Variants in MYL6 observed in about 807,000 individuals in gnomAD.
MYL6 encodes the protein myosin light polypeptide 6.
A neutral mutation model predicts 20.3 loss-of-function variants in MYL6; 20 were observed. That is an observed-to-expected ratio of 0.98 (90% CI 0.69 to 1.43). MYL6 has a LOEUF of 1.43. MYL6 is among the 40% of genes most tolerant of loss of function. MYL6 has a pLI of 0.00. For synonymous variants in MYL6, 77 were observed against 72.4 expected (o/e 1.06, Z -0.32); for missense variants, 164 against 191.0 (o/e 0.86, Z 0.83).
In MYL6 at chr12:56,159,665, G is replaced by A. The variant is rs1212567482; in HGVS notation, c.110G>A (p.Arg37Lys). 6.2e-7 allele frequency: 1 copy of A among 1,614,184 alleles called. No individual in the cohort carries two copies. The highest frequency in any genetic ancestry group is 1.1e-5 in the South Asian group (1 of 91,080). Reference sequence around the variant, plus strand: ...TACAGCCAGTGTGGGGATGTGATGAGGGCCCTGGGCCAGAACCCTACCAAC... The same window carrying A: ...TACAGCCAGTGTGGGGATGTGATGAAGGCCCTGGGCCAGAACCCTACCAAC... ...ILYSQCGDVMRALGQNPTNAE... is the reference protein window; with the variant it reads ...ILYSQCGDVMKALGQNPTNAE... Residue 37 changes from arginine (R) to lysine (K), a missense_variant, in exon 3 of 7, where the codon AGG becomes AAG. Coordinates refer to ENST00000550697, the MANE Select transcript of MYL6 (RefSeq NM_021019.5).
chr12:56,159,763 G>A (rs1386441824), intron 3 of MYL6, 33 bp downstream of exon 3: 8 of 1,601,192 alleles, frequency 5.0e-6, no homozygotes, highest in Non-Finnish European at 6.0e-6. Flanking sequence ...CCTCAGTGTG[G>A]TCATGGGCCC....
intron 6 of MYL6, chr12:56,161,138 G>A (rs1384889076): frequency 3.3e-6 from 2 of 603,292 alleles, no homozygotes; most frequent in Non-Finnish European, 6.0e-6. Context: ...GTGTAGTGGA[G>A]AACTTTTCTG....
intron 2 of MYL6, 134 bp downstream of exon 2, chr12:56,158,845 C>T (rs1871508334): frequency 1.3e-6 from 2 of 1,509,046 alleles, no homozygotes; most frequent in East Asian, 2.3e-5. Flanking sequence ...ATTTTCTCTT[C>T]TTCTGGATCC....
chr12:56,158,962 C>CT (rs1184643674), intron 2 of MYL6: 2 of 1,397,112 alleles, frequency 1.4e-6, no homozygotes, highest in East Asian at 5.5e-5. Flanking sequence ...AACTTGGTCA[C>CT]TTAATGCCTG....
chr12:56,158,680 G>A lies in MYL6; in HGVS notation c.4-4G>A. 6.2e-7 allele frequency: 1 copy of A among 1,614,108 alleles called. No individual in the cohort carries two copies. Among genetic ancestry groups the A allele is most frequent in the Non-Finnish European group, 8.5e-7 (1 of 1,180,022 alleles). ...TGCTGACCACTTCCCTCTTCTCTGA[G>A]CAGTGTGACTTCACCGAAGACCAGA... On this transcript the variant is annotated splice_polypyrimidine_tract_variant and splice_region_variant and intron_variant, in intron 1 of 6. Transcript: ENST00000550697.
chr12:56,158,610 G>A (rs535809181), intron 1 of MYL6, 74 bp from the exon 2 acceptor site: 1 of 1,614,068 alleles, frequency 6.2e-7, no homozygotes, highest in Non-Finnish European at 8.5e-7. Context: ...TTGTGGGTCA[G>A]AGTTTGTGGG....
chr12:56,161,354 T>C, intron 6 of MYL6, 33 bp from the exon 7 acceptor site: 1 of 1,614,012 alleles, frequency 6.2e-7, no homozygotes, highest in Non-Finnish European at 8.5e-7. Context: ...CACAGCCCTG[T>C]TCCCTGGCTC....
Position 56,160,230 on chromosome 12 carries a change from T to C in MYL6, c.350-13T>C, listed in dbSNP as rs1261586999. 2 of 1,613,976 alleles carry C rather than the reference T, an allele frequency of 1.2e-6. No individual in the cohort carries two copies. Among genetic ancestry groups the C allele is most frequent in the Non-Finnish European group, 1.7e-6 (2 of 1,179,994 alleles). The stretch of plus-strand genomic sequence containing the variant: ...GTCACCCAATTCCAAAAATGCTTTC[T>C]TTCCCCCTGCAGGTGAGAAGATGAC... On this transcript the variant is annotated splice_polypyrimidine_tract_variant and intron_variant, in intron 4 of 6. Coordinates refer to ENST00000550697, the MANE Select transcript of MYL6 (RefSeq NM_021019.5).
In MYL6 at chr12:56,160,168, T is replaced by C. The variant is rs905553662; in HGVS notation, c.349+20T>C. The C allele has an allele frequency of 6.2e-7, 1 of 1,613,838 alleles. No individual in the cohort carries two copies. Among genetic ancestry groups the C allele is most frequent in the African/African-American group, 1.3e-5 (1 of 75,034 alleles). On this transcript the variant is annotated intron_variant, in intron 4 of 6. Coordinates refer to ENST00000550697, the MANE Select transcript of MYL6 (RefSeq NM_021019.5). ...CACTGGGTAAGGTTCTGTGTCCTTG[T>C]CCTTGAGCTGAGATGGCACCCTGAG...
chr12:56,160,689 T>C lies in MYL6; in HGVS notation c.*16+19T>C, dbSNP rs1592262483. 6.2e-7 allele frequency: 1 copy of C among 1,613,350 alleles called. No individual in the cohort carries two copies. The highest frequency in any genetic ancestry group is 8.5e-7 in the Non-Finnish European group (1 of 1,179,408). ...GGGGCGGGTACGGCTCCTCCCAGCC[T>C]CTCCTCTAGTTGATCTCCCCAGTGT... is the stretch of plus-strand genomic sequence containing the variant. On this transcript the variant is annotated intron_variant, in intron 6 of 6. Transcript: ENST00000550697.
intron 5 of MYL6, 114 bp from the exon 6 acceptor site, chr12:56,160,512 T>C: frequency 2.1e-6 from 3 of 1,419,116 alleles, no homozygotes; most frequent in Non-Finnish European, 3.0e-6. Flanking sequence ...GGTAGTATTG[T>C]AGAGGGTGGG....
chr12:56,159,450 T>G (rs1291181876), intron 2 of MYL6, 137 bp from the exon 3 acceptor site: 22 of 1,184,234 alleles, frequency 1.9e-5, no homozygotes, highest in Non-Finnish European at 2.5e-5. Flanking sequence ...AGAGCCCTCT[T>G]AAGTAGACTT....
In MYL6 at chr12:56,161,481, T is replaced by C; in HGVS notation, c.*111T>C. Reference sequence around the variant, plus strand: ...GTGAATTTTGTATCTAGCCTAAAGTTTCCCTAGGCTTTCTTGTCTCAGCAA... The same window carrying C: ...GTGAATTTTGTATCTAGCCTAAAGTCTCCCTAGGCTTTCTTGTCTCAGCAA... On this transcript the variant is annotated 3_prime_UTR_variant, in exon 7 of 7. Coordinates refer to ENST00000550697, the MANE Select transcript of MYL6 (RefSeq NM_021019.5). 6.4e-7 allele frequency: 1 copy of C among 1,564,062 alleles called. No individual in the cohort carries two copies. Among genetic ancestry groups the C allele is most frequent in the Non-Finnish European group, 8.8e-7 (1 of 1,134,882 alleles).
rs1046709130 is a variant in MYL6, at chr12:56,161,542, G to T, written c.*172G>T. The T allele has an allele frequency of 8.3e-7, 1 of 1,207,624 alleles. No homozygotes were observed. The highest frequency in any genetic ancestry group is 2.3e-5 in the East Asian group (1 of 42,916). The allele number at this position is 1,207,624 out of a possible 1,614,324, so 74.8% of individuals were successfully genotyped here. A position where few individuals can be genotyped will look rare whatever the true frequency, so the allele number is the denominator to read the frequency against. ...TTGTCTCTCTTGGATGATGTTTGCC[G>T]TCAGCATTCACCAAATAAACTTGCT... On this transcript the variant is annotated 3_prime_UTR_variant, in exon 7 of 7. Transcript: ENST00000550697.
Position 56,158,714 on chromosome 12 carries a change from A to G in MYL6, c.31+3A>G, listed in dbSNP as rs1871493242. 2 of 1,614,076 alleles carry G rather than the reference A, an allele frequency of 1.2e-6. No individual in the cohort carries two copies. Among genetic ancestry groups the G allele is most frequent in the Non-Finnish European group, 8.5e-7 (1 of 1,179,998 alleles). ...CTTCACCGAAGACCAGACCGCAGGT[A>G]GGTTATCTCTGATCCCTACCGAGGT... On this transcript the variant is annotated splice_donor_region_variant and intron_variant, in intron 2 of 6. Transcript: ENST00000550697.
Position 56,160,829 on chromosome 12 carries a change from G to A in MYL6, c.*16+159G>A, listed in dbSNP as rs909108952. On this transcript the variant is annotated intron_variant, in intron 6 of 6. Transcript: ENST00000550697. ...CTAGGGAGGGGAGGGATTCCTCAAA[G>A]AGGAAGACAACCTGGGGGTACAGTA... 1.0e-5 allele frequency: 8 copies of A among 791,262 alleles called. No individual in the cohort carries two copies. The African/African-American group carries it at 1.0e-4, about 10-fold the overall frequency. 49.0% of individuals were successfully genotyped at this position (791,262 alleles called of 1,614,324 possible). A position where few individuals can be genotyped will look rare whatever the true frequency, so the allele number is the denominator to read the frequency against.
intron 3 of MYL6, 97 bp from the exon 4 acceptor site, chr12:56,159,878 T>C: frequency 2.0e-6 from 3 of 1,526,056 alleles, no homozygotes; most frequent in Non-Finnish European, 2.6e-6. Flanking sequence ...TGGGGAGTCA[T>C]CTGTCATCTC....
chr12:56,158,787 C>T, intron 2 of MYL6, 76 bp downstream of exon 2: 1 of 1,598,674 alleles, frequency 6.3e-7, no homozygotes, highest in Admixed American at 1.7e-5. Flanking sequence ...ATCCTCTAAT[C>T]TTAATCTGTC....
In MYL6 at chr12:56,161,469, C is replaced by G; in HGVS notation, c.*99C>G. 6.2e-7 allele frequency: 1 copy of G among 1,600,854 alleles called. No individual in the cohort carries two copies. Among genetic ancestry groups the G allele is most frequent in the Non-Finnish European group, 8.6e-7 (1 of 1,168,064 alleles). On this transcript the variant is annotated 3_prime_UTR_variant, in exon 7 of 7. Transcript: ENST00000550697. ...GCCTTTCCCTGTGTGAATTTTGTAT[C>G]TAGCCTAAAGTTTCCCTAGGCTTTC...
Sources: allele counts gnomAD v4.1 joint callset, GRCh38; gene constraint gnomAD v4.1.1; transcripts MANE v1.5; gene names NCBI Gene and HGNC (gene_info 2026-07-23, HGNC 2026-07-21).